CYP39A1: variants seen among roughly 807,000 people sequenced by gnomAD.
CYP39A1 encodes the protein cytochrome P450 family 39 subfamily A member 1, also known as 24-hydroxycholesterol 7-alpha-hydroxylase.
A neutral mutation model predicts 58.1 loss-of-function variants in CYP39A1; 49 were observed. The ratio of observed to expected loss-of-function variants is 0.84; its 90% CI spans 0.67 to 1.07. CYP39A1 has a LOEUF of 1.07. CYP39A1 is among the 50% of genes least tolerant of loss of function. CYP39A1 has a pLI of 0.00. For synonymous variants in CYP39A1, 209 were observed against 187.6 expected (o/e 1.11, Z -0.93); for missense variants, 531 against 539.4 (o/e 0.98, Z 0.16).
chr6:46,650,953 T>C (rs1418570206), intron 1 of CYP39A1, among the ~76,000 whole-genome samples: 1 of 152,078 alleles, frequency 6.6e-6, no homozygotes. Context: ...GACAAAGGAG[T>C]ATTTCTTTAG....
intron 8 of CYP39A1, among the ~76,000 whole-genome samples, chr6:46,593,340 C>T (rs1205605198): frequency 6.6e-6 from 1 of 151,766 alleles, no homozygotes; most frequent in Non-Finnish European, 1.5e-5. Flanking sequence ...GGTTAATAGC[C>T]CCAACAAAAG....
chr6:46,621,648 A>C (rs959133009), intron 7 of CYP39A1, among the ~76,000 whole-genome samples: 1 of 152,148 alleles, frequency 6.6e-6, no homozygotes, highest in Admixed American at 6.5e-5. Flanking sequence ...ACCAGTAACA[A>C]GTAGAAAGAC....
At chr6:46,593,921 A>C (rs1236388092) in intron 8 of CYP39A1, among the ~76,000 whole-genome samples, 2 of 152,062 alleles carry the variant, frequency 1.3e-5, no homozygotes, top group Non-Finnish European at 2.9e-5. Context: ...TCCTAATATA[A>C]ATTGAGATTA....
chr6:46,578,162 C>G lies in CYP39A1; in HGVS notation c.1250+8915G>C, dbSNP rs1771940649. Among the ~76,000 whole-genome samples, 3 of 152,070 alleles carry G rather than the reference C, an allele frequency of 2.0e-5. No homozygotes were observed. The South Asian group carries it at 6.2e-4, about 32-fold the overall frequency. ...TAAAATTAGATAGAAATTAATTGCT[C>G]TGCTCCTGAATGACTTTAAAGAATG... On this transcript the variant is annotated intron_variant, in intron 10 of 11. Coordinates refer to ENST00000275016, the MANE Select transcript of CYP39A1 (RefSeq NM_016593.5).
intron 5 of CYP39A1, among the ~76,000 whole-genome samples, chr6:46,634,520 T>G (rs1362974893): frequency 7.8e-6 from 1 of 128,434 alleles, no homozygotes; most frequent in Admixed American, 9.5e-5. Flanking sequence ...TTTTTTTCTT[T>G]TTGCTTTTTT....
chr6:46,574,625 G>A (rs1010421012), intron 10 of CYP39A1, among the ~76,000 whole-genome samples: 5 of 152,102 alleles, frequency 3.3e-5, no homozygotes, highest in African/African-American at 1.2e-4. Context: ...GATGAGATGA[G>A]AAAGTCCATG....
chr6:46,608,928 T>A (rs1273223973), intron 7 of CYP39A1, among the ~76,000 whole-genome samples: 3 of 152,126 alleles, frequency 2.0e-5, no homozygotes, highest in African/African-American at 4.8e-5. Flanking sequence ...ACAGGCTTTA[T>A]AACAGTTATT....
intron 1 of CYP39A1, among the ~76,000 whole-genome samples, chr6:46,646,236 T>A (rs1762316144): frequency 6.6e-6 from 1 of 152,122 alleles, no homozygotes; most frequent in Non-Finnish European, 1.5e-5. Context: ...ATCATTTAAG[T>A]GTCCTGTTAA....
intron 7 of CYP39A1, among the ~76,000 whole-genome samples, chr6:46,608,934 T>C (rs1774023463): frequency 6.6e-6 from 1 of 151,844 alleles, no homozygotes; most frequent in African/African-American, 2.4e-5. Context: ...TTTATAACAG[T>C]TATTTATAGA....
intron 6 of CYP39A1, among the ~76,000 whole-genome samples, chr6:46,630,008 A>G (rs879714023): frequency 7.2e-5 from 11 of 152,102 alleles, no homozygotes; most frequent in Non-Finnish European, 1.0e-4. Context: ...AGGCAGGGGA[A>G]TCGCTTGAAC....
intron 8 of CYP39A1, among the ~76,000 whole-genome samples, chr6:46,588,814 G>A (rs1418050588): frequency 6.6e-6 from 1 of 152,096 alleles, no homozygotes; most frequent in Non-Finnish European, 1.5e-5. Context: ...TGGAAATGAG[G>A]ATAAACAATG....
At position 46,553,783 on chromosome 6, in the gene CYP39A1, T is replaced by C; in HGVS notation, c.1322A>G (p.Asp441Gly). ...AACACTTACCTGTTTGGGTAATGGG[T>C]CCAGAAGACTACAGTCATATTTATA... Reference protein sequence around the residue: ...ILYKYDCSLLDPLPKQSYLHL... With the variant: ...ILYKYDCSLLGPLPKQSYLHL... The change falls in exon 11 of 12, where the codon GAC becomes GGC. Residue 441 changes from aspartate to glycine, a missense_variant. Physicochemically the swap from Asp to Gly is moderately conservative, Grantham distance 94. Transcript: ENST00000275016. 1 of 1,609,580 alleles carries C rather than the reference T, an allele frequency of 6.2e-7. No homozygotes were observed. The highest frequency in any genetic ancestry group is 8.5e-7 in the Non-Finnish European group (1 of 1,176,566).
chr6:46,592,902 GC>G (rs1167550511), intron 8 of CYP39A1, among the ~76,000 whole-genome samples: 12 of 152,156 alleles, frequency 7.9e-5, no homozygotes, highest in African/African-American at 2.9e-4. Flanking sequence ...GTTGCAGTGA[GC>G]CAAGATCATG....
At chr6:46,621,153 C>G (rs1774933016) in intron 7 of CYP39A1, among the ~76,000 whole-genome samples, 1 of 152,028 alleles carries the variant, frequency 6.6e-6, no homozygotes. Context: ...AAGTAGAAGA[C>G]TGTCTGAATA....
chr6:46,638,916 A>C (rs1255569607), intron 3 of CYP39A1, among the ~76,000 whole-genome samples: 1 of 152,208 alleles, frequency 6.6e-6, no homozygotes, highest in Non-Finnish European at 1.5e-5. Flanking sequence ...AGAAAGCTTC[A>C]GAATGGGGCT....
At chr6:46,609,918 A>T (rs1774112214) in intron 7 of CYP39A1, among the ~76,000 whole-genome samples, 1 of 152,224 alleles carries the variant, frequency 6.6e-6, no homozygotes, top group Admixed American at 6.5e-5. Flanking sequence ...ATCTATGGGA[A>T]AGATAATAAG....
intron 10 of CYP39A1, among the ~76,000 whole-genome samples, chr6:46,566,850 A>G (rs972144035): frequency 1.3e-5 from 2 of 151,790 alleles, no homozygotes; most frequent in Admixed American, 6.6e-5. Context: ...ATATATATAT[A>G]CACACACATA....
chr6:46,621,132 T>G (rs1453653493), intron 7 of CYP39A1, among the ~76,000 whole-genome samples: 1 of 152,052 alleles, frequency 6.6e-6, no homozygotes. Context: ...AATCAAGAGT[T>G]GAACCACTAT....
intron 5 of CYP39A1, among the ~76,000 whole-genome samples, chr6:46,635,052 G>T (rs943542062): frequency 1.3e-5 from 2 of 152,136 alleles, no homozygotes; most frequent in African/African-American, 2.4e-5. Context: ...CTTTATTCAG[G>T]AAGGAGATAC....
Sources: gnomAD v4.1 joint callset for allele counts (sites outside exome capture counted in the v4.1 genomes callset) on GRCh38, gnomAD v4.1.1 for gene constraint, MANE v1.5 for transcripts, NCBI Gene and HGNC (gene_info 2026-07-23, HGNC 2026-07-21) for gene names.